Variants in CHN1 observed in about 807,000 individuals in gnomAD.
CHN1 encodes chimerin 1.
Under a neutral mutation model 59.5 loss-of-function variants are expected in CHN1, and 37 were observed. The ratio of observed to expected loss-of-function variants is 0.62; its 90% CI spans 0.48 to 0.82. The LOEUF (loss-of-function observed/expected upper bound fraction) is 0.82. Ranked by LOEUF, CHN1 falls within the 40% of genes least tolerant of loss-of-function variation. The pLI is 0.00. For missense variants in CHN1, 469 were observed against 571.0 expected, an observed-to-expected ratio of 0.82 and a Z score of 1.82; for synonymous variants, 206 against 200.4, an observed-to-expected ratio of 1.03 and a Z score of -0.24.
chr2:174,824,602 A>C (rs991768728), intron 7 of CHN1, 84 bp from the exon 8 acceptor site: 3 of 685,558 alleles, frequency 4.4e-6, no homozygotes, highest in Non-Finnish European at 7.4e-6. Flanking sequence ...ACTAATATAC[A>C]AGCCACATAT....
intron 1 of CHN1, among the ~76,000 whole-genome samples, chr2:174,953,974 T>G (rs1366555682): frequency 6.6e-6 from 1 of 152,050 alleles, no homozygotes; most frequent in East Asian, 1.9e-4. Flanking sequence ...AAAGAGAGCC[T>G]GCACAGCCAT....
intron 5 of CHN1, among the ~76,000 whole-genome samples, chr2:174,895,194 G>GTATA (rs1406449336): frequency 1.5e-4 from 17 of 117,128 alleles, no homozygotes; most frequent in Middle Eastern, 4.4e-3. Context: ...ATATGTGTGT[G>GTATA]TGTGTATATA....
At chr2:175,003,050 G>A (rs1368166072) in intron 1 of CHN1, among the ~76,000 whole-genome samples, 1 of 152,128 alleles carries the variant, frequency 6.6e-6, no homozygotes, top group Non-Finnish European at 1.5e-5. Context: ...ATCACAAAGG[G>A]AGTCACTTTA....
At chr2:174,993,058 G>A (rs1390913162) in intron 1 of CHN1, among the ~76,000 whole-genome samples, 1 of 152,088 alleles carries the variant, frequency 6.6e-6, no homozygotes, top group African/African-American at 2.4e-5. Flanking sequence ...CCAAACTGCT[G>A]CGATTACAGG....
intron 2 of CHN1, among the ~76,000 whole-genome samples, chr2:174,950,187 G>A (rs1055964894): frequency 2.6e-5 from 4 of 152,012 alleles, no homozygotes; most frequent in African/African-American, 9.7e-5. Context: ...GGTCAAGGCT[G>A]TAGCGTGCCA....
chr2:174,829,637 G>C (rs1197142592), intron 7 of CHN1, among the ~76,000 whole-genome samples: 1 of 152,164 alleles, frequency 6.6e-6, no homozygotes. Flanking sequence ...CAAGGAGCAT[G>C]CCTGCAAAGC....
intron 3 of CHN1, among the ~76,000 whole-genome samples, chr2:174,919,848 C>G (rs1289102311): frequency 6.6e-6 from 1 of 151,922 alleles, no homozygotes; most frequent in Non-Finnish European, 1.5e-5. Flanking sequence ...ACTATAGTCA[C>G]TAAGTTGTAC....
intron 5 of CHN1, among the ~76,000 whole-genome samples, chr2:174,879,716 C>A (rs1002837872): frequency 6.6e-6 from 1 of 152,122 alleles, no homozygotes; most frequent in African/African-American, 2.4e-5. Context: ...AATAAACACA[C>A]ATAGCATTGA....
intron 6 of CHN1, among the ~76,000 whole-genome samples, chr2:174,855,952 C>T (rs1686886455): frequency 6.6e-6 from 1 of 152,052 alleles, no homozygotes; most frequent in Non-Finnish European, 1.5e-5. Context: ...GACTATCCTG[C>T]CTCTCATATT....
At chr2:174,870,101 AT>A (rs1687357471) in intron 6 of CHN1, among the ~76,000 whole-genome samples, 1 of 152,232 alleles carries the variant, frequency 6.6e-6, no homozygotes, top group Non-Finnish European at 1.5e-5. Context: ...AACCTACAGC[AT>A]TTAGTGAATG....
chr2:174,893,873 G>A (rs2105349398), intron 5 of CHN1, among the ~76,000 whole-genome samples: 1 of 152,236 alleles, frequency 6.6e-6, no homozygotes, highest in East Asian at 1.9e-4. Flanking sequence ...TACACAACAG[G>A]AAAAGGATAG....
At chr2:174,890,980 CAA>C (rs33999354) in intron 5 of CHN1, among the ~76,000 whole-genome samples, 2 of 146,034 alleles carry the variant, frequency 1.4e-5, no homozygotes, top group Admixed American at 6.8e-5. Flanking sequence ...ACTAAAAATA[CAA>C]AAAAAAAAAT....
chr2:174,903,230 C>G (rs1235299275), intron 5 of CHN1, among the ~76,000 whole-genome samples: 1 of 152,220 alleles, frequency 6.6e-6, no homozygotes, highest in Non-Finnish European at 1.5e-5. Flanking sequence ...CTCACAGAAT[C>G]TGGCTCAACA....
rs1558997695 is a variant in CHN1, at chr2:174,957,459, A to AGGGGG, written c.20-5258_20-5257insCCCCC. Among the ~76,000 whole-genome samples the AGGGGG allele has an allele frequency of 1.1e-4, 14 of 126,456 alleles. 1 individual carries two copies. Among genetic ancestry groups the AGGGGG allele is most frequent in the African/African-American group, 4.3e-4 (14 of 32,290 alleles). 83.0% of individuals were successfully genotyped at this position (126,456 alleles called of 152,430 possible). A position where few individuals can be genotyped will look rare whatever the true frequency, so the allele number is the denominator to read the frequency against. On this transcript the variant is annotated intron_variant, in intron 1 of 12. Coordinates refer to ENST00000409900, the MANE Select transcript of CHN1 (RefSeq NM_001822.7). Reference sequence around the variant, plus strand: ...GGGTGTGTGTGTTGGGGGGGGGGGCAGTTAATTATATTGAAGTTTGTCTTA... The same window carrying AGGGGG: ...GGGTGTGTGTGTTGGGGGGGGGGGCAGGGGGGTTAATTATATTGAAGTTTGTCTTA...
At chr2:174,860,259 A>G (rs1687028231) in intron 6 of CHN1, among the ~76,000 whole-genome samples, 1 of 152,220 alleles carries the variant, frequency 6.6e-6, no homozygotes, top group Non-Finnish European at 1.5e-5. Context: ...ATAGACATAC[A>G]TAATTTACAA....
intron 3 of CHN1, among the ~76,000 whole-genome samples, chr2:174,941,835 T>C (rs1018205349): frequency 6.6e-6 from 1 of 152,184 alleles, no homozygotes; most frequent in Non-Finnish European, 1.5e-5. Context: ...CTTTTGCAAT[T>C]TTTGTCCTTA....
rs547466739 is a variant in CHN1 at position 174,951,167 on chromosome 2, C to T, written c.58+997G>A. Reference sequence around the variant, plus strand: ...AGAATATTAGTCATTTTTACACATTCGTATAACTATACTCCCAAGGGAAAA... The same window carrying T: ...AGAATATTAGTCATTTTTACACATTTGTATAACTATACTCCCAAGGGAAAA... On this transcript the variant is annotated intron_variant, in intron 2 of 12. Transcript: ENST00000409900. Among the ~76,000 whole-genome samples, 6 of 152,244 alleles carry T rather than the reference C, an allele frequency of 3.9e-5. No individual in the cohort carries two copies. The South Asian group carries it at 8.3e-4, about 21-fold the overall frequency.
At chr2:174,894,335 G>C (rs1286463701) in intron 5 of CHN1, among the ~76,000 whole-genome samples, 1 of 152,062 alleles carries the variant, frequency 6.6e-6, no homozygotes, top group Non-Finnish European at 1.5e-5. Flanking sequence ...TTTCTCCAAA[G>C]AAGATATACA....
In CHN1 at chr2:175,005,283, A is replaced by G. The variant is rs944266615; in HGVS notation, c.-371T>C. Reference sequence around the variant, plus strand: ...CGCACTGGCGGCGGCGGCGGCGGCGACGGGGAGAGCAGCAGCAGCCTCGCA... The same window carrying G: ...CGCACTGGCGGCGGCGGCGGCGGCGGCGGGGAGAGCAGCAGCAGCCTCGCA... On this transcript the variant is annotated 5_prime_UTR_variant, in exon 1 of 13. Coordinates refer to ENST00000409900, the MANE Select transcript of CHN1 (RefSeq NM_001822.7). 5 of 1,152,450 alleles carry G rather than the reference A, an allele frequency of 4.3e-6. No homozygotes were observed. Among genetic ancestry groups the G allele is most frequent in the Non-Finnish European group, 5.4e-6 (5 of 926,968 alleles). 71.4% of individuals were successfully genotyped at this position (1,152,450 alleles called of 1,614,324 possible).
Sources: allele counts gnomAD v4.1 joint callset (sites outside exome capture counted in the v4.1 genomes callset), GRCh38; gene constraint gnomAD v4.1.1; transcripts MANE v1.5; gene names NCBI Gene and HGNC (gene_info 2026-07-23, HGNC 2026-07-21).